Variants in SLC30A9 observed in about 807,000 individuals in gnomAD.
SLC30A9 encodes the protein solute carrier family 30 member 9.
Under a neutral mutation model 87.5 loss-of-function variants are expected in SLC30A9, and 58 were observed. That is an observed-to-expected ratio of 0.66 (90% confidence interval 0.54 to 0.82). SLC30A9 has a LOEUF of 0.82. SLC30A9 is among the 40% of genes least tolerant of loss of function. The pLI, the probability that SLC30A9 is intolerant of heterozygous loss-of-function variation, is 0.00. For missense variants in SLC30A9, 557 were observed against 679.1 expected (o/e 0.82, Z 2.00); for synonymous variants, 234 against 233.0 (o/e 1.00, Z -0.04).
chr4:42,000,080 C>T (rs1714912613), intron 1 of SLC30A9, among the ~76,000 whole-genome samples: 1 of 151,916 alleles, frequency 6.6e-6, no homozygotes, highest in Non-Finnish European at 1.5e-5. Context: ...TTGAGATTTT[C>T]TGTAGCATTT....
chr4:42,029,080 A>G (rs1296570024), intron 6 of SLC30A9: 1 of 237,472 alleles, frequency 4.2e-6, no homozygotes, highest in Non-Finnish European at 8.8e-6. Flanking sequence ...TCAGATCCGC[A>G]GTGGCAGTGG....
intron 15 of SLC30A9, among the ~76,000 whole-genome samples, chr4:42,072,472 A>G (rs540374560): frequency 1.3e-5 from 2 of 152,174 alleles, no homozygotes; most frequent in East Asian, 3.9e-4. Context: ...TCATTATCTA[A>G]TAGTATTTTC....
At chr4:42,024,777 C>A (rs915978956) in intron 6 of SLC30A9, among the ~76,000 whole-genome samples, 2 of 152,058 alleles carry the variant, frequency 1.3e-5, no homozygotes, top group Non-Finnish European at 2.9e-5. Context: ...ACAGATGGTA[C>A]CTCGTTTAAT....
At chr4:42,057,304 G>A (rs190029766) in intron 9 of SLC30A9, among the ~76,000 whole-genome samples, 4 of 152,140 alleles carry the variant, frequency 2.6e-5, no homozygotes, top group Admixed American at 6.5e-5. Context: ...TGAGAGCCCC[G>A]CCTGTGCAGC....
rs879818421 is a variant in SLC30A9, at chr4:41,999,682, T to TA, written c.110-1922dup. ...GCTTTTTCAACATAAAAATTGCAGT[T>TA]AAAAAAAAAAAAGACATTCTGTAGC... On this transcript the variant is annotated intron_variant, in intron 1 of 17. Transcript: ENST00000264451. 3.3e-3 allele frequency among the ~76,000 whole-genome samples: 470 copies of TA among 142,904 alleles called. 1 individual carries two copies. Among genetic ancestry groups the TA allele is most frequent in the Non-Finnish European group, 5.7e-3 (368 of 64,800 alleles). The allele number at this position is 142,904 out of a possible 152,430, so 93.8% of individuals were successfully genotyped here.
At chr4:42,030,766 A>T (rs1347248718) in intron 6 of SLC30A9, among the ~76,000 whole-genome samples, 1 of 152,148 alleles carries the variant, frequency 6.6e-6, no homozygotes, top group Admixed American at 6.5e-5. Context: ...CTACAGAAAA[A>T]CACAAAAAGG....
At chr4:42,078,353 A>C in intron 17 of SLC30A9, 28 bp downstream of exon 17, 1 of 1,158,684 alleles carries the variant, frequency 8.6e-7, no homozygotes, top group Non-Finnish European at 1.3e-6. Context: ...AAATAACATA[A>C]TGATAATGGC....
chr4:42,076,807 C>CA (rs1406587937), intron 16 of SLC30A9, among the ~76,000 whole-genome samples: 1 of 151,830 alleles, frequency 6.6e-6, no homozygotes, highest in Admixed American at 6.6e-5. Context: ...ACTAAAAATA[C>CA]AAAAATTAGC....
In SLC30A9 at chr4:42,049,455, C is replaced by CT; in HGVS notation, c.817dup (p.Ser273PhefsTer4). ...CAAGTATGTTCTCAGAAGCTATACA[C>CT]TCATTATCTGATACTTGTAATCAGG... On this transcript the variant is annotated frameshift_variant, in exon 9 of 18. Coordinates refer to ENST00000264451, the MANE Select transcript of SLC30A9 (RefSeq NM_006345.4). LOFTEE classifies it high-confidence loss of function. 5 of 1,596,420 alleles carry CT rather than the reference C, an allele frequency of 3.1e-6. No homozygotes were observed. The highest frequency in any genetic ancestry group is 3.4e-6 in the Non-Finnish European group (4 of 1,168,782).
At chr4:42,002,303 G>A (rs1166310918) in intron 2 of SLC30A9, among the ~76,000 whole-genome samples, 1 of 151,814 alleles carries the variant, frequency 6.6e-6, no homozygotes. Flanking sequence ...GATTCAGGAG[G>A]GTACATGTGA....
chr4:42,049,311 T>G, intron 8 of SLC30A9, 66 bp from the exon 9 acceptor site: 9 of 898,710 alleles, frequency 1.0e-5, no homozygotes, highest in African/African-American at 1.7e-5. Context: ...TACAGCTGAT[T>G]GAGTATGCTT....
chr4:42,045,343 G>T (rs2153138049), intron 8 of SLC30A9, among the ~76,000 whole-genome samples: 1 of 151,648 alleles, frequency 6.6e-6, no homozygotes, highest in South Asian at 2.1e-4. Flanking sequence ...AAAGAGAGGA[G>T]AATCAAATAG....
chr4:42,012,293 C>T (rs1048877300), intron 2 of SLC30A9, among the ~76,000 whole-genome samples: 1 of 151,918 alleles, frequency 6.6e-6, no homozygotes, highest in Non-Finnish European at 1.5e-5. Flanking sequence ...CAAAAATATG[C>T]AGAAAGCAAA....
At chr4:42,027,579 GC>G (rs1356222404) in intron 6 of SLC30A9, among the ~76,000 whole-genome samples, 7 of 151,820 alleles carry the variant, frequency 4.6e-5, no homozygotes, top group African/African-American at 1.7e-4. Flanking sequence ...GAATTAGATG[GC>G]AAAGTACTGT....
intron 17 of SLC30A9, among the ~76,000 whole-genome samples, chr4:42,084,181 G>T (rs1718835676): frequency 6.6e-6 from 1 of 152,086 alleles, no homozygotes; most frequent in African/African-American, 2.4e-5. Context: ...GAACTGAAAA[G>T]ATTATAACAG....
At chr4:42,073,881 G>T (rs1007953063) in intron 15 of SLC30A9, among the ~76,000 whole-genome samples, 1 of 152,186 alleles carries the variant, frequency 6.6e-6, no homozygotes, top group Non-Finnish European at 1.5e-5. Flanking sequence ...AAGGGCTTGC[G>T]TATAGGTGGC....
intron 15 of SLC30A9, among the ~76,000 whole-genome samples, chr4:42,071,936 A>G (rs1208017969): frequency 6.6e-6 from 1 of 151,770 alleles, no homozygotes; most frequent in African/African-American, 2.4e-5. Context: ...CTGTGTGGGT[A>G]GTTTTTTGAT....
rs1718086080 is a variant in SLC30A9 at position 42,066,589 on chromosome 4, C to G, written c.1112C>G (p.Ala371Gly). The G allele has an allele frequency of 6.2e-7, 1 of 1,606,310 alleles. No individual in the cohort carries two copies. The highest frequency in any genetic ancestry group is 8.5e-7 in the Non-Finnish European group (1 of 1,175,406). ...GCTGTAAATGAACTTCGTAGGAATG[C>G]TCGGGCTAAAGGAATGTCATTTTAC... is the stretch of plus-strand genomic sequence containing the variant. ...LVAVNELRRN[A>G]RAKGMSFYKY... The change falls in exon 13 of 18, where the codon GCT becomes GGT. Residue 371 changes from alanine to glycine, a missense_variant. By Grantham distance (60) the Ala-to-Gly change is moderately conservative. Around this residue, in one of 2 missense-constraint regions of SLC30A9, gnomAD observed 467 missense variants for 529.8 expected, o/e 0.88. Transcript: ENST00000264451.
chr4:42,079,551 C>T (rs543237937), intron 17 of SLC30A9, among the ~76,000 whole-genome samples: 54 of 151,722 alleles, frequency 3.6e-4, no homozygotes, highest in Non-Finnish European at 7.4e-4. Flanking sequence ...GCCTTGGCCT[C>T]CCAAAGTGCT....
Sources: gnomAD v4.1 joint callset for allele counts (sites outside exome capture counted in the v4.1 genomes callset) on GRCh38, gnomAD v4.1.1 for gene constraint, gnomAD v4.1.1 regional missense constraint, MANE v1.5 for transcripts, NCBI Gene and HGNC (gene_info 2026-07-23, HGNC 2026-07-21) for gene names.